PLXNA4: variants seen among roughly 807,000 people sequenced by gnomAD.
PLXNA4 encodes plexin-A4.
A neutral mutation model predicts 191.8 loss-of-function variants in PLXNA4; 44 were observed. The ratio of observed to expected loss-of-function variants is 0.23; its 90% CI spans 0.18 to 0.29. The LOEUF is 0.29. PLXNA4 is among the 10% of genes least tolerant of loss of function. The pLI is 1.00. For synonymous variants in PLXNA4, 1,082 were observed against 1,009.5 expected, an observed-to-expected ratio of 1.07 and a Z score of -1.36; for missense variants, 1,800 against 2,488.8, an observed-to-expected ratio of 0.72 and a Z score of 5.89.
chr7:132,633,415 TGGG>T (rs1803531884), intron 2 of PLXNA4, among the ~76,000 whole-genome samples: 1 of 152,136 alleles, frequency 6.6e-6, no homozygotes, highest in Non-Finnish European at 1.5e-5. Context: ...TCTGAGTAGC[TGGG>T]ATTACAGGTG....
intron 21 of PLXNA4, 124 bp from the exon 22 acceptor site, chr7:132,168,696 G>A: frequency 7.4e-7 from 1 of 1,359,142 alleles, no homozygotes; most frequent in Non-Finnish European, 9.7e-7. Context: ...AGTCCACCTG[G>A]CTAATGCTGT....
At chr7:132,258,504 T>C (rs1287377257) in intron 4 of PLXNA4, among the ~76,000 whole-genome samples, 1 of 152,252 alleles carries the variant, frequency 6.6e-6, no homozygotes, top group Non-Finnish European at 1.5e-5. Context: ...GTGAAAGTCC[T>C]GTGTTCTCAA....
intron 1 of PLXNA4, among the ~76,000 whole-genome samples, chr7:132,570,562 T>C (rs1336534179): frequency 2.6e-5 from 4 of 152,214 alleles, no homozygotes; most frequent in African/African-American, 9.6e-5. Context: ...GGAACTGATC[T>C]TGAGCGAAGA....
At chr7:132,201,246 G>A (rs1422372161) in intron 12 of PLXNA4, among the ~76,000 whole-genome samples, 3 of 151,410 alleles carry the variant, frequency 2.0e-5, no homozygotes, top group Non-Finnish European at 4.4e-5. Flanking sequence ...CCTTGATCTT[G>A]ACCGTCTACC....
intron 4 of PLXNA4, among the ~76,000 whole-genome samples, chr7:132,294,331 C>T (rs1211117455): frequency 6.6e-6 from 1 of 152,216 alleles, no homozygotes; most frequent in African/African-American, 2.4e-5. Flanking sequence ...AGCACTCTCT[C>T]CCGCCCTGGC....
At chr7:132,394,952 C>A (rs1266055045) in intron 3 of PLXNA4, among the ~76,000 whole-genome samples, 1 of 152,232 alleles carries the variant, frequency 6.6e-6, no homozygotes, top group Non-Finnish European at 1.5e-5. Flanking sequence ...GGATTCTCAG[C>A]CTTCAGGGAT....
chr7:132,630,017 T>C (rs977670293), intron 2 of PLXNA4, among the ~76,000 whole-genome samples: 2 of 151,974 alleles, frequency 1.3e-5, no homozygotes, highest in African/African-American at 4.8e-5. Flanking sequence ...GCCTGGCTAA[T>C]TTTTTTGTAT....
intron 3 of PLXNA4, among the ~76,000 whole-genome samples, chr7:132,430,707 T>C (rs568529506): frequency 6.6e-6 from 1 of 152,232 alleles, no homozygotes; most frequent in South Asian, 2.1e-4. Context: ...TGTTTCTAGA[T>C]TGTTGAGGGC....
chr7:132,345,472 T>C (rs1803209114), intron 3 of PLXNA4, among the ~76,000 whole-genome samples: 1 of 152,202 alleles, frequency 6.6e-6, no homozygotes, highest in Non-Finnish European at 1.5e-5. Context: ...TTACATCTCA[T>C]CCACAATTAC....
chr7:132,253,967 G>A (rs1010621251), intron 4 of PLXNA4, among the ~76,000 whole-genome samples: 23 of 152,196 alleles, frequency 1.5e-4, no homozygotes, highest in Admixed American at 3.3e-4. Flanking sequence ...TGGGCTGGGG[G>A]TCCTAGGACC....
At chr7:132,311,167 TG>T (rs1801719161) in intron 3 of PLXNA4, among the ~76,000 whole-genome samples, 2 of 131,722 alleles carry the variant, frequency 1.5e-5, no homozygotes, top group Non-Finnish European at 3.2e-5. Context: ...TGTGTGTGTG[TG>T]TGTGTGTGTG....
chr7:132,394,630 T>C (rs1793672639), intron 3 of PLXNA4, among the ~76,000 whole-genome samples: 1 of 152,370 alleles, frequency 6.6e-6, no homozygotes, highest in African/African-American at 2.4e-5. Context: ...TGGGCTAAGA[T>C]TAGCCATCTT....
intron 2 of PLXNA4, among the ~76,000 whole-genome samples, chr7:132,505,343 T>C (rs1798420980): frequency 6.6e-6 from 1 of 152,198 alleles, no homozygotes; most frequent in African/African-American, 2.4e-5. Context: ...GCACGAACAC[T>C]TGCCCATGGG....
chr7:132,150,021 T>G (rs1041771255), intron 25 of PLXNA4, among the ~76,000 whole-genome samples: 2 of 152,184 alleles, frequency 1.3e-5, no homozygotes, highest in African/African-American at 4.8e-5. Flanking sequence ...TCCCTGGGGC[T>G]TCCCTGCTGC....
intron 1 of PLXNA4, among the ~76,000 whole-genome samples, chr7:132,563,101 TCCTCC>T (rs1801384242): frequency 9.6e-6 from 1 of 104,356 alleles, no homozygotes; most frequent in African/African-American, 3.6e-5. Context: ...TTCTTCCTCC[TCCTCC>T]TCTCCCTCCT....
chr7:132,365,358 T>TGCGC (rs1554424500), intron 3 of PLXNA4, among the ~76,000 whole-genome samples: 1 of 133,648 alleles, frequency 7.5e-6, no homozygotes, highest in East Asian at 2.1e-4. Flanking sequence ...TGTGTGTGTG[T>TGCGC]GTGCGTGCGC....
At chr7:132,235,523 C>T (rs1798669048) in intron 5 of PLXNA4, among the ~76,000 whole-genome samples, 1 of 152,190 alleles carries the variant, frequency 6.6e-6, no homozygotes, top group Admixed American at 6.5e-5. Flanking sequence ...GGGCATTCTT[C>T]CAACAGAAGA....
intron 3 of PLXNA4, among the ~76,000 whole-genome samples, chr7:132,440,957 A>T (rs1379598338): frequency 2.6e-5 from 4 of 152,220 alleles, no homozygotes; most frequent in Non-Finnish European, 4.4e-5. Context: ...ATTTTTCCAA[A>T]ATAATATGAT....
chr7:132,547,420 A>G (rs1193794829), intron 1 of PLXNA4, among the ~76,000 whole-genome samples: 1 of 152,158 alleles, frequency 6.6e-6, no homozygotes, highest in African/African-American at 2.4e-5. Flanking sequence ...TCTCTGCTTC[A>G]GTTTCTAGGT....
Sources: allele counts gnomAD v4.1 joint callset (sites outside exome capture counted in the v4.1 genomes callset), GRCh38; gene constraint gnomAD v4.1.1; transcripts MANE v1.5; gene names NCBI Gene and HGNC (gene_info 2026-07-23, HGNC 2026-07-21).